The following ATP6V0A4 variants were observed in gnomAD, a reference collection of about 807,000 sequenced individuals.
The protein encoded by ATP6V0A4 is V-type proton ATPase 116 kDa subunit a 4.
Under a neutral mutation model 107.3 loss-of-function variants are expected in ATP6V0A4, and 86 were observed. The ratio of observed to expected loss-of-function variants is 0.80; its 90% CI spans 0.67 to 0.96. ATP6V0A4 has a LOEUF of 0.96. ATP6V0A4 is among the 40% of genes least tolerant of loss of function. The pLI, the probability that ATP6V0A4 is intolerant of heterozygous loss-of-function variation, is 0.00. For missense variants in ATP6V0A4, 908 were observed against 1,045.6 expected, an observed-to-expected ratio of 0.87 and a Z score of 1.81; for synonymous variants, 353 against 381.4, an observed-to-expected ratio of 0.93 and a Z score of 0.87.
At chr7:138,741,088 G>A (rs1805614236) in intron 14 of ATP6V0A4, among the ~76,000 whole-genome samples, 1 of 152,112 alleles carries the variant, frequency 6.6e-6, no homozygotes, top group Admixed American at 6.5e-5. Flanking sequence ...AGGTTGCAGT[G>A]AGCCAAGATT....
At chr7:138,719,498 C>T (rs928248553) in intron 19 of ATP6V0A4, among the ~76,000 whole-genome samples, 1 of 152,176 alleles carries the variant, frequency 6.6e-6, no homozygotes, top group Non-Finnish European at 1.5e-5. Context: ...ACCAATCAAT[C>T]ATCAGTCAAT....
Position 138,768,828 on chromosome 7 carries a change from GA to G in ATP6V0A4, c.242del (p.Leu81ProfsTer6). ...GGAGCGGGGTCAGTGGGCTTTTCTC[GA>G]GCAACTGAACTACAATCTCATTTTG... is the stretch of plus-strand genomic sequence containing the variant. ...EMQNEIVVQL[L>X]EKSPLTPLPR... is the part of the protein sequence containing the mutation. On this transcript the variant is annotated frameshift_variant, in exon 5 of 22. Coordinates refer to ENST00000310018, the MANE Select transcript of ATP6V0A4 (RefSeq NM_020632.3). LOFTEE classifies it high-confidence loss of function. 1 of 1,614,088 alleles carries G rather than the reference GA, an allele frequency of 6.2e-7. No homozygotes were observed. Among genetic ancestry groups the G allele is most frequent in the Non-Finnish European group, 8.5e-7 (1 of 1,180,024 alleles).
At chr7:138,728,982 A>C in intron 17 of ATP6V0A4, 120 bp from the exon 18 acceptor site, 2 of 1,563,788 alleles carry the variant, frequency 1.3e-6, no homozygotes, top group Non-Finnish European at 1.7e-6. Flanking sequence ...GATCTAAAGC[A>C]TTTCAATGAA....
Position 138,715,890 on chromosome 7 carries a change from C to T in ATP6V0A4, c.2140-9G>A, listed in dbSNP as rs201174170. On this transcript the variant is annotated splice_polypyrimidine_tract_variant and intron_variant, in intron 19 of 21. Coordinates refer to ENST00000310018, the MANE Select transcript of ATP6V0A4 (RefSeq NM_020632.3). Reference sequence around the variant, plus strand: ...ACGTCTCCAAAGTTGAACTGAAAGACGGAATTGTTTATTTTACTTCATTGA... The same window carrying T: ...ACGTCTCCAAAGTTGAACTGAAAGATGGAATTGTTTATTTTACTTCATTGA... The T allele has an allele frequency of 7.5e-4, 1,212 of 1,611,802 alleles. 1 individual carries two copies. The highest frequency in any genetic ancestry group is 9.3e-4 in the Non-Finnish European group (1,096 of 1,178,402).
At chr7:138,728,613 A>G in intron 18 of ATP6V0A4, 148 bp downstream of exon 18, 1 of 1,101,630 alleles carries the variant, frequency 9.1e-7, no homozygotes, top group Non-Finnish European at 1.4e-6. Context: ...GCTCCACAGA[A>G]CGAAACATAC....
At chr7:138,757,647 T>C (rs1806579526) in intron 8 of ATP6V0A4, among the ~76,000 whole-genome samples, 2 of 152,228 alleles carry the variant, frequency 1.3e-5, no homozygotes, top group Admixed American at 1.3e-4. Flanking sequence ...TCGGGACCTA[T>C]CGGGTGTCAT....
In ATP6V0A4 at chr7:138,797,523, G is replaced by A. The variant is rs138882276; in HGVS notation, c.-121+511C>T. On this transcript the variant is annotated intron_variant, in intron 1 of 21. Coordinates refer to ENST00000310018, the MANE Select transcript of ATP6V0A4 (RefSeq NM_020632.3). ...TGAGCCCCCATGCCCAACCTCAAAT[G>A]CCATTTTCTTCTTGAAGCATCCCAT... Among the ~76,000 whole-genome samples the A allele has an allele frequency of 4.5e-4, 69 of 151,836 alleles. No homozygotes were observed. In the East Asian group the frequency reaches 8.2e-3, roughly 18 times the overall value.
intron 7 of ATP6V0A4, among the ~76,000 whole-genome samples, chr7:138,760,963 A>G (rs1806777861): frequency 6.6e-6 from 1 of 151,828 alleles, no homozygotes; most frequent in Non-Finnish European, 1.5e-5. Context: ...TAACTATCCC[A>G]TTTCTTTTTT....
At chr7:138,729,594 G>A (rs537578322) in intron 17 of ATP6V0A4, among the ~76,000 whole-genome samples, 3 of 152,062 alleles carry the variant, frequency 2.0e-5, no homozygotes, top group Middle Eastern at 3.4e-3. Context: ...ACATCCTCAC[G>A]CCCCTGCCTC....
intron 18 of ATP6V0A4, among the ~76,000 whole-genome samples, chr7:138,725,231 T>C (rs1804647477): frequency 6.6e-6 from 1 of 152,100 alleles, no homozygotes; most frequent in Admixed American, 6.6e-5. Context: ...ACCACTGCAC[T>C]CCAATCTGGG....
At chr7:138,736,091 A>AACAAACAAACAG (rs111243203) in intron 15 of ATP6V0A4, among the ~76,000 whole-genome samples, 1,768 of 152,062 alleles carry the variant, frequency 0.012, 41 homozygotes, top group African/African-American at 0.04. Flanking sequence ...CAAACAAACA[A>AACAAACAAACAG]AAATTAGCCC....
intron 21 of ATP6V0A4, 106 bp from the exon 22 acceptor site, chr7:138,706,823 G>C: frequency 2.0e-6 from 3 of 1,527,742 alleles, no homozygotes; most frequent in Non-Finnish European, 2.6e-6. Context: ...GTAAAATCAA[G>C]CACAAAGTCA....
intron 19 of ATP6V0A4, among the ~76,000 whole-genome samples, chr7:138,718,577 CATGGGGCGGA>C (rs1464823615): frequency 0.025 from 1,040 of 40,930 alleles, 64 homozygotes; most frequent in East Asian, 0.054. Context: ...TCCGGAGAGG[CATGGGGCGGA>C]ATGGGGAGGA....
intron 7 of ATP6V0A4, among the ~76,000 whole-genome samples, chr7:138,761,470 C>A (rs1488749693): frequency 1.3e-5 from 2 of 151,784 alleles, no homozygotes; most frequent in African/African-American, 4.8e-5. Flanking sequence ...CCGTCTCTAC[C>A]AAAAACACAA....
At chr7:138,716,467 T>G (rs1353321976) in intron 19 of ATP6V0A4, among the ~76,000 whole-genome samples, 1 of 151,218 alleles carries the variant, frequency 6.6e-6, no homozygotes, top group African/African-American at 2.4e-5. Context: ...AAAAGGACAA[T>G]TTGGTTATGA....
Position 138,773,010 on chromosome 7 carries a change from G to A in ATP6V0A4, c.-17-1746C>T, listed in dbSNP as rs544464984. ...AGCTATTCCCAAAGATCCTCCCGAC[G>A]GCCCTACTGCTGCCAAATCACACTT... On this transcript the variant is annotated intron_variant, in intron 2 of 21. Coordinates refer to ENST00000310018, the MANE Select transcript of ATP6V0A4 (RefSeq NM_020632.3). The surrounding 1 kb of genome is among the most constrained non-coding windows in gnomAD (Gnocchi z 5.4). Among the ~76,000 whole-genome samples the A allele has an allele frequency of 3.3e-5, 5 of 152,196 alleles. No homozygotes were observed. Among genetic ancestry groups the A allele is most frequent in the African/African-American group, 9.6e-5 (4 of 41,510 alleles).
chr7:138,725,684 T>C (rs1314393743), intron 18 of ATP6V0A4, among the ~76,000 whole-genome samples: 1 of 151,992 alleles, frequency 6.6e-6, no homozygotes, highest in East Asian at 1.9e-4. Context: ...GGCTAATTTT[T>C]GTATTTTTAG....
At chr7:138,739,501 T>A (rs544220145) in intron 15 of ATP6V0A4, 39 bp downstream of exon 15, 1 of 1,610,370 alleles carries the variant, frequency 6.2e-7, no homozygotes, top group Non-Finnish European at 8.5e-7. Flanking sequence ...CTCAAGATAG[T>A]TCACATAAGA....
chr7:138,730,176 G>A (rs1024814105), intron 17 of ATP6V0A4, among the ~76,000 whole-genome samples: 9 of 152,180 alleles, frequency 5.9e-5, no homozygotes, highest in Admixed American at 2.6e-4. Context: ...GAGCCGCCGC[G>A]CCTGGCCTCA....
Sources: allele counts gnomAD v4.1 joint callset (sites outside exome capture counted in the v4.1 genomes callset), GRCh38; gene constraint gnomAD v4.1.1; non-coding constraint Gnocchi (gnomAD v3.1); transcripts MANE v1.5; gene names NCBI Gene and HGNC (gene_info 2026-07-23, HGNC 2026-07-21).